Variants in CFAP263 observed in about 807,000 individuals in gnomAD.
CFAP263 encodes the protein cilia and flagella associated protein 263, also known as cilia- and flagella-associated protein 263.
chr16:58,269,394 G>GAGGAAAGAA, the CFAP263 span, among the ~76,000 whole-genome samples: 1 of 116,510 alleles, frequency 8.6e-6, no homozygotes, highest in Non-Finnish European at 1.8e-5. Flanking sequence ...AGGAAGGAAA[G>GAGGAAAGAA]AGGAAAGAAA....
the CFAP263 span, chr16:58,259,923 C>T: frequency 6.3e-7 from 1 of 1,599,966 alleles, no homozygotes; most frequent in Non-Finnish European, 8.5e-7. Context: ...AATGCTTTTA[C>T]AATTGAGGCA....
the CFAP263 span, chr16:58,254,164 A>C: frequency 7.4e-6 from 12 of 1,613,976 alleles, no homozygotes; most frequent in Non-Finnish European, 9.3e-6. Context: ...CACGAGGTAC[A>C]CCTTCCTGCC....
chr16:58,280,616 A>G, the CFAP263 span: 6 of 1,614,072 alleles, frequency 3.7e-6, no homozygotes, highest in Non-Finnish European at 3.4e-6. Context: ...TCAGCCTTGG[A>G]TGTGATCCAT....
the CFAP263 span, among the ~76,000 whole-genome samples, chr16:58,270,534 C>G: frequency 4.6e-5 from 7 of 151,286 alleles, no homozygotes; most frequent in Non-Finnish European, 1.0e-4. Flanking sequence ...ATAAGATTCA[C>G]AAATATTTTC....
chr16:58,252,732 T>TAA, the CFAP263 span: 1 of 1,613,470 alleles, frequency 6.2e-7, no homozygotes, highest in East Asian at 2.2e-5. Flanking sequence ...TGCAGCTATG[T>TAA]AAACTCTGCT....
At chr16:58,251,583 G>T in the CFAP263 span, among the ~76,000 whole-genome samples, 1 of 151,968 alleles carries the variant, frequency 6.6e-6, no homozygotes, top group Non-Finnish European at 1.5e-5. Context: ...GTAGAGATGG[G>T]GTTTCACAAT....
chr16:58,282,775 C>T, the CFAP263 span: 1 of 152,304 alleles, frequency 6.6e-6, no homozygotes, highest in Non-Finnish European at 1.5e-5. Flanking sequence ...GTGGTTCCCC[C>T]TTTCATCAGT....
chr16:58,275,885 T>G, the CFAP263 span, among the ~76,000 whole-genome samples: 3 of 152,136 alleles, frequency 2.0e-5, no homozygotes, highest in African/African-American at 7.2e-5. Context: ...AATCCTAAAA[T>G]AAATACTGGG....
chr16:58,271,968 CATTT>C, the CFAP263 span, among the ~76,000 whole-genome samples: 23 of 151,950 alleles, frequency 1.5e-4, no homozygotes, highest in Non-Finnish European at 2.5e-4. Context: ...TATTCTCCTC[CATTT>C]ATTTATTTTT....
the CFAP263 span, chr16:58,250,229 G>T: frequency 1.6e-6 from 1 of 606,102 alleles, no homozygotes. Flanking sequence ...TGAGCACTGG[G>T]GAGACTTTTC....
chr16:58,279,051 C>T, the CFAP263 span, among the ~76,000 whole-genome samples: 2 of 152,014 alleles, frequency 1.3e-5, no homozygotes, highest in African/African-American at 4.8e-5. Context: ...TGTACACAGT[C>T]GCCATGGGTC....
the CFAP263 span, chr16:58,250,057 G>A: frequency 5.6e-6 from 9 of 1,600,672 alleles, no homozygotes; most frequent in African/African-American, 1.1e-4. Context: ...CGACTCCCAT[G>A]AAGGGTCGGA....
At chr16:58,268,842 T>A in the CFAP263 span, among the ~76,000 whole-genome samples, 1 of 152,208 alleles carries the variant, frequency 6.6e-6, no homozygotes, top group African/African-American at 2.4e-5. Flanking sequence ...CTGACATTCA[T>A]TGCTTAGTAT....
At chr16:58,259,917 CT>C in the CFAP263 span, 1 of 1,602,966 alleles carries the variant, frequency 6.2e-7, no homozygotes, top group Non-Finnish European at 8.5e-7. Context: ...GAAAAAAATG[CT>C]TTTACAATTG....
the CFAP263 span, chr16:58,267,491 A>G: frequency 1.9e-6 from 3 of 1,612,558 alleles, no homozygotes; most frequent in East Asian, 6.7e-5. Context: ...CAAGCTTCAC[A>G]AGGCAATGGA....
the CFAP263 span, chr16:58,250,389 C>T: frequency 2.7e-6 from 1 of 375,682 alleles, no homozygotes; most frequent in Non-Finnish European, 4.8e-6. Context: ...CTCTCTCATG[C>T]CAGACGGTGT....
chr16:58,276,093 C>G, the CFAP263 span, among the ~76,000 whole-genome samples: 1 of 152,176 alleles, frequency 6.6e-6, no homozygotes, highest in East Asian at 1.9e-4. Flanking sequence ...TAAATAACTT[C>G]TATAGATCAA....
chr16:58,266,391 ATATATATATATATATTTTTTTTTT>A, the CFAP263 span, among the ~76,000 whole-genome samples: 1 of 33,534 alleles, frequency 3.0e-5, no homozygotes, highest in African/African-American at 1.3e-4. Context: ...ATATATATAT[ATATATATATATATATTTTTTTTTT>A]TTTTTTTTTT....
chr16:58,259,754 C>A, the CFAP263 span: 2 of 640,286 alleles, frequency 3.1e-6, no homozygotes, highest in Non-Finnish European at 5.3e-6. Flanking sequence ...TGTTAGGGCT[C>A]AAGGTTTGGT....
Sources: allele counts gnomAD v4.1 joint callset (sites outside exome capture counted in the v4.1 genomes callset), GRCh38; gene constraint gnomAD v4.1.1; transcripts MANE v1.5; gene names NCBI Gene and HGNC (gene_info 2026-07-23, HGNC 2026-07-21).